TAB2: variants seen among roughly 807,000 people sequenced by gnomAD.
TAB2 encodes TGF-beta-activated kinase 1 and MAP3K7-binding protein 2.
Under a neutral mutation model 65.0 loss-of-function variants are expected in TAB2, and 3 were observed. The ratio of observed to expected loss-of-function variants is 0.05; its 90% CI spans 0.02 to 0.12. The LOEUF is 0.12. TAB2 is among the 10% of genes least tolerant of loss of function. The probability of loss-of-function intolerance (pLI) is 1.00; values close to 1 mark genes in which losing one functional copy is unlikely to be tolerated. For missense variants in TAB2, 623 were observed against 840.3 expected (o/e 0.74, Z 3.20); for synonymous variants, 298 against 285.1 (o/e 1.05, Z -0.46).
At chr6:149,344,895 G>A (rs1158726830) in intron 1 of TAB2, among the ~76,000 whole-genome samples, 3 of 152,128 alleles carry the variant, frequency 2.0e-5, no homozygotes, top group Non-Finnish European at 4.4e-5. Context: ...ATTTAGCACA[G>A]GACTTGGCTC....
exon 7 of TAB2, chr6:149,411,602 TTCTAA>T (rs1381645461): frequency 1.3e-5 from 2 of 153,840 alleles, no homozygotes; most frequent in Admixed American, 6.5e-5. Context: ...AAAACTTATA[TTCTAA>T]TGTGGATTTT....
intron 1 of TAB2, among the ~76,000 whole-genome samples, chr6:149,334,739 A>G (rs1312975866): frequency 6.6e-6 from 1 of 152,146 alleles, no homozygotes; most frequent in African/African-American, 2.4e-5. Context: ...TCATGGTGTT[A>G]GGTGATTGCC....
At chr6:149,283,295 T>C (rs562365377) in intron 1 of TAB2, among the ~76,000 whole-genome samples, 11 of 152,244 alleles carry the variant, frequency 7.2e-5, no homozygotes, top group African/African-American at 2.6e-4. Flanking sequence ...ATTGAAAATA[T>C]GGGAGGATGG....
intron 1 of TAB2, among the ~76,000 whole-genome samples, chr6:149,348,615 A>G (rs1460689574): frequency 7.2e-5 from 8 of 110,960 alleles, no homozygotes; most frequent in African/African-American, 1.5e-4. Context: ...GGCTTATGGG[A>G]AAAAAAAAAG....
intron 2 of TAB2, among the ~76,000 whole-genome samples, chr6:149,377,578 T>C (rs1221418941): frequency 6.6e-6 from 1 of 152,250 alleles, no homozygotes; most frequent in East Asian, 1.9e-4. Flanking sequence ...CAAATGTGTA[T>C]AGCACTTGAT....
At chr6:149,261,344 G>A (rs1159372242) in intron 1 of TAB2, among the ~76,000 whole-genome samples, 1 of 152,160 alleles carries the variant, frequency 6.6e-6, no homozygotes. Flanking sequence ...TCATGTTGAA[G>A]AGTTTAAAGG....
At chr6:149,364,799 C>T (rs544321920) in intron 1 of TAB2, among the ~76,000 whole-genome samples, 3 of 150,798 alleles carry the variant, frequency 2.0e-5, no homozygotes, top group South Asian at 4.2e-4. Context: ...GACGTGGTCT[C>T]GTGTTAAACA....
chr6:149,406,463 C>T (rs1782667940), intron 6 of TAB2, among the ~76,000 whole-genome samples: 1 of 152,176 alleles, frequency 6.6e-6, no homozygotes, highest in Non-Finnish European at 1.5e-5. Flanking sequence ...CAGTTGTTCA[C>T]ATGTCTACAT....
chr6:149,344,605 T>C (rs2114787302), intron 1 of TAB2, among the ~76,000 whole-genome samples: 1 of 152,266 alleles, frequency 6.6e-6, no homozygotes, highest in South Asian at 2.1e-4. Flanking sequence ...TGTCATGTTT[T>C]TTTGAATGTC....
intron 1 of TAB2, among the ~76,000 whole-genome samples, chr6:149,289,900 G>T (rs146469591): frequency 1.3e-5 from 2 of 152,162 alleles, no homozygotes; most frequent in African/African-American, 2.4e-5. Context: ...GTGTGGGCGT[G>T]GGGGGCACAG....
intron 1 of TAB2, among the ~76,000 whole-genome samples, chr6:149,284,584 T>C (rs1244317857): frequency 1.3e-5 from 2 of 151,044 alleles, no homozygotes; most frequent in Admixed American, 6.6e-5. Context: ...TCGCATCTAA[T>C]AAAAAATTAG....
At chr6:149,296,090 A>G (rs1442726620) in intron 1 of TAB2, among the ~76,000 whole-genome samples, 3 of 152,228 alleles carry the variant, frequency 2.0e-5, no homozygotes, top group African/African-American at 7.2e-5. Context: ...TCTTTGATGC[A>G]TTACACATGC....
chr6:149,325,129 A>G (rs977200373), intron 1 of TAB2, among the ~76,000 whole-genome samples: 4 of 152,176 alleles, frequency 2.6e-5, no homozygotes, highest in African/African-American at 7.2e-5. Flanking sequence ...ATGAAGTATA[A>G]TAAAAGTTCT....
chr6:149,401,890 T>C (rs1413240212), intron 6 of TAB2, among the ~76,000 whole-genome samples: 12 of 150,750 alleles, frequency 8.0e-5, no homozygotes, highest in Admixed American at 7.9e-4. Flanking sequence ...CAAAAGGGAA[T>C]CTTAACAGTA....
Position 149,258,218 on chromosome 6 carries a change from C to A in TAB2, c.-121+39442C>A, listed in dbSNP as rs572018567. Among the ~76,000 whole-genome samples, 6 of 152,220 alleles carry A rather than the reference C, an allele frequency of 3.9e-5. No individual in the cohort carries two copies. The South Asian group carries it at 1.2e-3, about 32-fold the overall frequency. On this transcript the variant is annotated intron_variant, in intron 1 of 1. Coordinates refer to the TAB2 transcript ENST00000606202. Reference sequence around the variant, plus strand: ...TGAGTCTCTACTCTAGTGGTGAGCCCATTAGTGTTTAACAATGGGCTCTCC... The same window carrying A: ...TGAGTCTCTACTCTAGTGGTGAGCCAATTAGTGTTTAACAATGGGCTCTCC...
In TAB2 at chr6:149,248,455, A is replaced by AGAAG. The variant is rs1003101890; in HGVS notation, c.-121+29691_-121+29694dup. ...AGGAAGGAAGGAAGGAAGGAAGAAA[A>AGAAG]GAAGGAAGGAAGGAAAGAAAGAAAG... On this transcript the variant is annotated intron_variant, in intron 1 of 1. Transcript: ENST00000606202. 5.7e-4 allele frequency among the ~76,000 whole-genome samples: 32 copies of AGAAG among 56,622 alleles called. No homozygotes were observed. In the South Asian group the frequency reaches 9.9e-3, roughly 18 times the overall value. 37.1% of individuals were successfully genotyped at this position (56,622 alleles called of 152,430 possible).
In TAB2 at chr6:149,357,419, G is replaced by GA. The variant is rs1490716055; in HGVS notation, c.-89-12489dup. Among the ~76,000 whole-genome samples, 298 of 91,868 alleles carry GA rather than the reference G, an allele frequency of 3.2e-3. 9 individuals carry two copies. Among genetic ancestry groups the GA allele is most frequent in the African/African-American group, 0.013 (254 of 19,178 alleles). The allele number at this position is 91,868 out of a possible 152,430, so 60.3% of individuals were successfully genotyped here. A position where few individuals can be genotyped will look rare whatever the true frequency, so the allele number is the denominator to read the frequency against. On this transcript the variant is annotated intron_variant, in intron 1 of 6. Coordinates refer to ENST00000637181, the MANE Select transcript of TAB2 (RefSeq NM_001292034.3). ...CAATAGAGGGAGACTCCGTCTCAAG[G>GA]AGAAAAAAAAAACACACACACACAC...
At chr6:149,254,004 AAGAAAGAAAGAAAG>A (rs1777931703) in intron 1 of TAB2, among the ~76,000 whole-genome samples, 4 of 148,230 alleles carry the variant, frequency 2.7e-5, no homozygotes, top group Admixed American at 6.7e-5. Context: ...GAAAGAAAGA[AAGAAAGAAAGAAAG>A]AAAGAAAAGA....
intron 1 of TAB2, among the ~76,000 whole-genome samples, chr6:149,222,370 C>T (rs1777166743): frequency 6.6e-6 from 1 of 152,134 alleles, no homozygotes; most frequent in Non-Finnish European, 1.5e-5. Context: ...GTAATCCCAA[C>T]ACTTTGGGAG....
Sources: allele counts gnomAD v4.1 joint callset (sites outside exome capture counted in the v4.1 genomes callset), GRCh38; gene constraint gnomAD v4.1.1; transcripts MANE v1.5; gene names NCBI Gene and HGNC (gene_info 2026-07-23, HGNC 2026-07-21).